Variants in ETV6 observed in about 807,000 individuals in gnomAD.
ETV6 encodes the protein transcription factor ETV6.
In ETV6, 16 loss-of-function variants were observed where a neutral mutation model predicts 51.1. The observed-to-expected ratio is 0.31, with a 90% confidence interval of 0.21 to 0.48. ETV6 has a LOEUF of 0.48. Ranked by LOEUF, ETV6 falls within the 20% of genes least tolerant of loss-of-function variation. ETV6 has a pLI of 0.99. For missense variants in ETV6, 458 were observed against 594.8 expected (o/e 0.77, Z 2.39); for synonymous variants, 240 against 224.1 (o/e 1.07, Z -0.64).
chr12:11,858,636 C>T (rs1182808409), intron 4 of ETV6, among the ~76,000 whole-genome samples: 2 of 152,144 alleles, frequency 1.3e-5, no homozygotes, highest in African/African-American at 4.8e-5. Flanking sequence ...TTGATAATTT[C>T]AGCTCTTTAG....
Position 11,884,592 on chromosome 12 carries a change from A to G in ETV6, c.1152+5A>G, listed in dbSNP as rs201196326. 414 of 1,614,052 alleles carry G rather than the reference A, an allele frequency of 2.6e-4. No homozygotes were observed. The highest frequency in any genetic ancestry group is 2.2e-3 in the African/African-American group (167 of 75,046). On this transcript the variant is annotated splice_donor_5th_base_variant and intron_variant, in intron 6 of 7. Coordinates refer to ENST00000396373, the MANE Select transcript of ETV6 (RefSeq NM_001987.5). Reference sequence around the variant, plus strand: ...CGACTGTGGGGAAACCATAAGGTAAAAGGGCAGCAGATATCTGCTCCATAA... The same window carrying G: ...CGACTGTGGGGAAACCATAAGGTAAGAGGGCAGCAGATATCTGCTCCATAA...
chr12:11,860,734 C>T (rs907050893), intron 4 of ETV6, among the ~76,000 whole-genome samples: 4 of 152,020 alleles, frequency 2.6e-5, no homozygotes, highest in Admixed American at 6.5e-5. Context: ...GGATAAAATA[C>T]ACAACATTTA....
At chr12:11,713,481 T>C (rs966568415) in intron 1 of ETV6, among the ~76,000 whole-genome samples, 4 of 152,210 alleles carry the variant, frequency 2.6e-5, no homozygotes, top group African/African-American at 9.7e-5. Context: ...AGTCTCTTGT[T>C]ATTTCTCAAA....
intron 2 of ETV6, among the ~76,000 whole-genome samples, chr12:11,791,030 C>T (rs974356771): frequency 6.6e-6 from 1 of 152,140 alleles, no homozygotes; most frequent in East Asian, 1.9e-4. Context: ...CGTGACTCGA[C>T]TGTCCAGATT....
At chr12:11,720,876 A>G (rs575277809) in intron 1 of ETV6, among the ~76,000 whole-genome samples, 3 of 152,338 alleles carry the variant, frequency 2.0e-5, no homozygotes, top group Admixed American at 6.5e-5. Flanking sequence ...TCAAGAGGCA[A>G]AAAAACAATA....
At chr12:11,684,882 A>G (rs1301485080) in intron 1 of ETV6, among the ~76,000 whole-genome samples, 1 of 152,246 alleles carries the variant, frequency 6.6e-6, no homozygotes, top group Non-Finnish European at 1.5e-5. Flanking sequence ...GTGAGGAAAC[A>G]GACAAAATGT....
At chr12:11,887,029 A>C (rs1316580966) in intron 7 of ETV6, among the ~76,000 whole-genome samples, 1 of 152,158 alleles carries the variant, frequency 6.6e-6, no homozygotes, top group East Asian at 1.9e-4. Flanking sequence ...TATTGGAAAG[A>C]GCAGAGAATC....
intron 2 of ETV6, among the ~76,000 whole-genome samples, chr12:11,775,038 C>T (rs1401135001): frequency 6.6e-6 from 1 of 152,188 alleles, no homozygotes; most frequent in Non-Finnish European, 1.5e-5. Context: ...GGCTAGACGC[C>T]CTCTGTGTGC....
chr12:11,862,677 C>T (rs1430918640), intron 4 of ETV6, among the ~76,000 whole-genome samples: 1 of 152,112 alleles, frequency 6.6e-6, no homozygotes, highest in East Asian at 1.9e-4. Context: ...ATAAAGACAC[C>T]AGTCATATTG....
At chr12:11,704,227 G>C (rs1466430472) in intron 1 of ETV6, among the ~76,000 whole-genome samples, 1 of 152,246 alleles carries the variant, frequency 6.6e-6, no homozygotes, top group Admixed American at 6.5e-5. Context: ...CATGCTGGCT[G>C]AATGAATCAG....
At chr12:11,714,405 A>G (rs1193900207) in intron 1 of ETV6, among the ~76,000 whole-genome samples, 1 of 152,190 alleles carries the variant, frequency 6.6e-6, no homozygotes, top group Non-Finnish European at 1.5e-5. Flanking sequence ...CTGACTAATC[A>G]AAGATATTGT....
intron 4 of ETV6, among the ~76,000 whole-genome samples, chr12:11,854,485 G>A (rs1946602791): frequency 6.6e-6 from 1 of 152,198 alleles, no homozygotes. Flanking sequence ...TGACGTAAGG[G>A]TGGGGTAAGG....
At chr12:11,794,211 G>A (rs904236904) in intron 2 of ETV6, among the ~76,000 whole-genome samples, 1 of 152,196 alleles carries the variant, frequency 6.6e-6, no homozygotes, top group Non-Finnish European at 1.5e-5. Flanking sequence ...TAGTGTGGGC[G>A]TGAGGATAGA....
intron 1 of ETV6, among the ~76,000 whole-genome samples, chr12:11,751,642 A>C (rs1321209007): frequency 6.6e-6 from 1 of 152,222 alleles, no homozygotes; most frequent in Non-Finnish European, 1.5e-5. Flanking sequence ...GCTTGTTTGA[A>C]TTCAAATGGA....
chr12:11,730,251 T>C (rs1489006696), intron 1 of ETV6, among the ~76,000 whole-genome samples: 1 of 152,212 alleles, frequency 6.6e-6, no homozygotes, highest in Non-Finnish European at 1.5e-5. Context: ...AGGCAGCCTT[T>C]GTAGGCCTCT....
chr12:11,750,925 A>C (rs1293191097), intron 1 of ETV6: 2 of 466,544 alleles, frequency 4.3e-6, no homozygotes, highest in Non-Finnish European at 8.3e-6. Flanking sequence ...GTGCAGTTGA[A>C]AGTTTTGCCT....
At chr12:11,749,954 T>C (rs1865990859) in intron 1 of ETV6, among the ~76,000 whole-genome samples, 2 of 152,334 alleles carry the variant, frequency 1.3e-5, no homozygotes, top group South Asian at 4.1e-4. Context: ...AAAGAGCTTA[T>C]GGTGTGGAAA....
intron 2 of ETV6, among the ~76,000 whole-genome samples, chr12:11,823,248 A>G (rs1946107224): frequency 6.6e-6 from 1 of 152,182 alleles, no homozygotes; most frequent in African/African-American, 2.4e-5. Context: ...GATGCAATTC[A>G]TCACTGAACT....
At chr12:11,727,657 A>C (rs1451274278) in intron 1 of ETV6, among the ~76,000 whole-genome samples, 2 of 146,566 alleles carry the variant, frequency 1.4e-5, no homozygotes, top group African/African-American at 4.9e-5. Context: ...CATGGTCATG[A>C]AAAGTGCAGC....
Sources: allele counts gnomAD v4.1 joint callset (sites outside exome capture counted in the v4.1 genomes callset), GRCh38; gene constraint gnomAD v4.1.1; transcripts MANE v1.5; gene names NCBI Gene and HGNC (gene_info 2026-07-23, HGNC 2026-07-21).